The following IFT74 variants were observed in gnomAD, a reference collection of about 807,000 sequenced individuals.
IFT74 encodes intraflagellar transport 74.
A neutral mutation model predicts 96.7 loss-of-function variants in IFT74; 92 were observed. That is an observed-to-expected ratio of 0.95 (90% CI 0.80 to 1.13). IFT74 has a LOEUF of 1.13. IFT74 is among the 50% of genes most tolerant of loss of function. The pLI is 0.00. For synonymous variants in IFT74, 223 were observed against 213.2 expected (o/e 1.05, Z -0.40); for missense variants, 811 against 698.2 (o/e 1.16, Z -1.82).
chr9:27,061,480 C>G (rs966679000), intron 19 of IFT74, among the ~76,000 whole-genome samples: 1 of 151,942 alleles, frequency 6.6e-6, no homozygotes, highest in Non-Finnish European at 1.5e-5. Context: ...AGGGGTCTCG[C>G]CAACTTAGCC....
chr9:27,061,276 G>A (rs992650355), intron 19 of IFT74, among the ~76,000 whole-genome samples: 2 of 152,122 alleles, frequency 1.3e-5, no homozygotes, highest in Non-Finnish European at 2.9e-5. Flanking sequence ...CCAGATTTTG[G>A]AGTTGGGCGA....
chr9:27,051,843 G>C (rs1036319508), intron 16 of IFT74, among the ~76,000 whole-genome samples: 1 of 152,032 alleles, frequency 6.6e-6, no homozygotes, highest in Non-Finnish European at 1.5e-5. Context: ...CCACCTTTTA[G>C]CTATTGTGAA....
chr9:26,952,479 G>T (rs901921272), upstream of IFT74, among the ~76,000 whole-genome samples: 2 of 152,020 alleles, frequency 1.3e-5, no homozygotes, highest in Admixed American at 1.3e-4. Context: ...GTTTCACCAT[G>T]TTGGCCAGGC....
At chr9:26,991,206 A>G (rs990094242) in intron 8 of IFT74, among the ~76,000 whole-genome samples, 4 of 152,200 alleles carry the variant, frequency 2.6e-5, no homozygotes, top group South Asian at 4.1e-4. Flanking sequence ...TAATTCTTCT[A>G]TTGATTAAAA....
At chr9:27,018,033 A>T (rs1466969882) in intron 11 of IFT74, among the ~76,000 whole-genome samples, 2 of 152,184 alleles carry the variant, frequency 1.3e-5, no homozygotes, top group African/African-American at 4.8e-5. Context: ...AAAGGTATTA[A>T]ATCTAGAACC....
chr9:26,991,535 C>A (rs1332287142), intron 8 of IFT74, among the ~76,000 whole-genome samples: 1 of 152,084 alleles, frequency 6.6e-6, no homozygotes, highest in Non-Finnish European at 1.5e-5. Context: ...CTATCATTTG[C>A]TGCTGCTGTA....
intron 8 of IFT74, among the ~76,000 whole-genome samples, chr9:27,005,361 G>T (rs6475951): frequency 0.017 from 434 of 25,328 alleles, 41 homozygotes; most frequent in South Asian, 0.049. Context: ...TTCCCCCCCC[G>T]CCCCCCGCAA....
At chr9:27,009,323 A>G (rs910314238) in intron 9 of IFT74, among the ~76,000 whole-genome samples, 165 bp downstream of exon 9, 1 of 152,186 alleles carries the variant, frequency 6.6e-6, no homozygotes, top group African/African-American at 2.4e-5. Flanking sequence ...TTCACATTTC[A>G]GAAGAATTTA....
intron 4 of IFT74, among the ~76,000 whole-genome samples, chr9:26,981,395 A>G (rs2131532858): frequency 6.6e-6 from 1 of 151,302 alleles, no homozygotes; most frequent in East Asian, 2.0e-4. Context: ...TATAGGCATA[A>G]GCTACCACCA....
intron 12 of IFT74, 67 bp downstream of exon 12, chr9:27,018,754 C>A: frequency 3.2e-6 from 3 of 948,506 alleles, no homozygotes; most frequent in East Asian, 2.6e-5. Flanking sequence ...TCTAAAGGTA[C>A]AGGAGTGGCT....
At chr9:26,988,320 G>A (rs1394101802) in intron 6 of IFT74, among the ~76,000 whole-genome samples, 3 of 152,062 alleles carry the variant, frequency 2.0e-5, no homozygotes, top group Non-Finnish European at 4.4e-5. Flanking sequence ...GGAAGAGAGG[G>A]TGATAGATCT....
In IFT74 at chr9:27,063,205, T is replaced by A. The variant is rs1820503135; in HGVS notation, c.*469T>A. ...TACTTCTCAAATAGGTTATATTTGA[T>A]GTGTATTAGACCATATAATGTCACA... On this transcript the variant is annotated 3_prime_UTR_variant, in exon 20 of 20. Coordinates refer to ENST00000380062, the MANE Select transcript of IFT74 (RefSeq NM_025103.4). Among the ~76,000 whole-genome samples, 1 of 152,166 alleles carries A rather than the reference T, an allele frequency of 6.6e-6. No individual in the cohort carries two copies. Among genetic ancestry groups the A allele is most frequent in the Admixed American group, 6.6e-5 (1 of 15,264 alleles).
At chr9:27,015,885 C>A (rs117223166) in intron 10 of IFT74, among the ~76,000 whole-genome samples, 1 of 152,130 alleles carries the variant, frequency 6.6e-6, no homozygotes, top group Non-Finnish European at 1.5e-5. Flanking sequence ...AACAGATGCT[C>A]AGTAAACAAG....
chr9:26,988,535 G>T, intron 6 of IFT74, 134 bp from the exon 7 acceptor site: 1 of 862,908 alleles, frequency 1.2e-6, no homozygotes, highest in Non-Finnish European at 1.7e-6. Context: ...TCTTAAAATA[G>T]AAAATATTCA....
In IFT74 at chr9:27,006,859, T is replaced by C. The variant is rs549361564; in HGVS notation, c.588-2161T>C. Among the ~76,000 whole-genome samples the C allele has an allele frequency of 7.3e-3, 916 of 124,932 alleles. 6 individuals are homozygous for C. The highest frequency in any genetic ancestry group is 0.012 in the Non-Finnish European group (721 of 60,818). 82.0% of individuals were successfully genotyped at this position (124,932 alleles called of 152,430 possible). On this transcript the variant is annotated intron_variant, in intron 8 of 19. Transcript: ENST00000380062. ...TTTTTTTTTTTTTTTTTTTTTGAGA[T>C]GGAGTCTCGCTCTGTCACCCAGGCT...
chr9:26,980,557 A>G lies in IFT74; in HGVS notation c.257-14A>G, dbSNP rs371967835. 6.3e-7 allele frequency: 1 copy of G among 1,579,156 alleles called. No individual in the cohort carries two copies. ...TTCGAACTGAACACTAACACTTAAA[A>G]CATTTTTTTTTAGGTCCCCAGAGGC... On this transcript the variant is annotated splice_polypyrimidine_tract_variant and intron_variant, in intron 3 of 19. Coordinates refer to ENST00000380062, the MANE Select transcript of IFT74 (RefSeq NM_025103.4).
chr9:26,959,297 G>T (rs1050373667), intron 1 of IFT74, among the ~76,000 whole-genome samples: 1 of 152,218 alleles, frequency 6.6e-6, no homozygotes, highest in African/African-American at 2.4e-5. Flanking sequence ...TTTTAGTAGA[G>T]ACAGGGTTTC....
At chr9:27,008,276 C>T (rs780743353) in intron 8 of IFT74, among the ~76,000 whole-genome samples, 10 of 152,104 alleles carry the variant, frequency 6.6e-5, no homozygotes, top group East Asian at 3.8e-4. Flanking sequence ...ATGATTTACA[C>T]GGGAAACTTC....
chr9:26,980,391 C>G (rs1827318394), intron 3 of IFT74, among the ~76,000 whole-genome samples, 180 bp from the exon 4 acceptor site: 1 of 152,126 alleles, frequency 6.6e-6, no homozygotes, highest in Non-Finnish European at 1.5e-5. Flanking sequence ...TGAAGCTTCC[C>G]TTATGTTGTG....
Sources: allele counts gnomAD v4.1 joint callset (sites outside exome capture counted in the v4.1 genomes callset), GRCh38; gene constraint gnomAD v4.1.1; transcripts MANE v1.5; gene names NCBI Gene and HGNC (gene_info 2026-07-23, HGNC 2026-07-21).